The following ATP2A2 variants were observed in gnomAD, a reference collection of about 807,000 sequenced individuals.
ATP2A2 encodes the protein sarcoplasmic/endoplasmic reticulum calcium ATPase 2.
A neutral mutation model predicts 109.3 loss-of-function variants in ATP2A2; 14 were observed. The ratio of observed to expected loss-of-function variants is 0.13; its 90% CI spans 0.08 to 0.20. The LOEUF (loss-of-function observed/expected upper bound fraction) is 0.20, where lower values mean the gene tolerates loss of function less well. Among genes scored for constraint, ATP2A2 ranks in the 10% least tolerant of loss-of-function variants. The pLI is 1.00. For synonymous variants in ATP2A2, 506 were observed against 490.9 expected, an observed-to-expected ratio of 1.03 and a Z score of -0.41; for missense variants, 657 against 1,321.6, an observed-to-expected ratio of 0.50 and a Z score of 7.80.
chr12:110,310,302 G>T (rs1013085259), intron 5 of ATP2A2, among the ~76,000 whole-genome samples: 2 of 150,194 alleles, frequency 1.3e-5, no homozygotes, highest in Non-Finnish European at 3.0e-5. Flanking sequence ...TTTGTGGGAT[G>T]TTTTTTTGAG....
At chr12:110,317,871 A>G (rs754545734) in intron 5 of ATP2A2, among the ~76,000 whole-genome samples, 7 of 152,228 alleles carry the variant, frequency 4.6e-5, no homozygotes, top group Non-Finnish European at 7.3e-5. Context: ...CTTTATTGTA[A>G]TAGCAAATTA....
At chr12:110,328,106 A>G (rs1287573946) in intron 8 of ATP2A2, 89 bp downstream of exon 8, 1 of 1,301,274 alleles carries the variant, frequency 7.7e-7, no homozygotes, top group Non-Finnish European at 1.1e-6. Flanking sequence ...TTTGATTTGT[A>G]ATTTCATACA....
chr12:110,333,089 T>C, intron 9 of ATP2A2, 92 bp from the exon 10 acceptor site: 1 of 1,128,948 alleles, frequency 8.9e-7, no homozygotes, highest in Non-Finnish European at 1.3e-6. Context: ...AAATTCTGTT[T>C]TCATTATTAA....
intron 3 of ATP2A2, among the ~76,000 whole-genome samples, chr12:110,289,398 T>G (rs891475831): frequency 6.6e-6 from 1 of 152,174 alleles, no homozygotes; most frequent in South Asian, 2.1e-4. Context: ...CCTAGAGAAG[T>G]TTTCATTCTG....
Position 110,349,775 on chromosome 12 carries a change from C to T in ATP2A2, c.*3305C>T. 1 of 1,018,272 alleles carries T rather than the reference C, an allele frequency of 9.8e-7. No individual in the cohort carries two copies. Among genetic ancestry groups the T allele is most frequent in the Non-Finnish European group, 1.2e-6 (1 of 848,706 alleles). The allele number at this position is 1,018,272 out of a possible 1,614,324, so 63.1% of individuals were successfully genotyped here. ...CTGTAACCACCAAATTGTCCAAACA[C>T]CCGCTGCAGTTAGCAAGAAGGGTAG... is the stretch of plus-strand genomic sequence containing the variant. On this transcript the variant is annotated 3_prime_UTR_variant, in exon 20 of 20. Coordinates refer to ENST00000539276, the MANE Select transcript of ATP2A2 (RefSeq NM_170665.4).
chr12:110,293,133 A>G (rs985737615), intron 4 of ATP2A2, among the ~76,000 whole-genome samples: 4 of 152,104 alleles, frequency 2.6e-5, no homozygotes, highest in Non-Finnish European at 4.4e-5. Flanking sequence ...GCAGGAGTGC[A>G]GTGGCACGAT....
intron 11 of ATP2A2, among the ~76,000 whole-genome samples, chr12:110,338,249 C>T (rs959176102): frequency 6.6e-5 from 10 of 152,288 alleles, no homozygotes; most frequent in South Asian, 4.1e-4. Context: ...CTTAGAATAC[C>T]TAAAAACACT....
rs1342135248 is a variant in ATP2A2, at chr12:110,343,250, C to G, written c.2337C>G (p.Ala779=). 2 of 1,613,982 alleles carry G rather than the reference C, an allele frequency of 1.2e-6. No individual in the cohort carries two copies. Residue 779 remains alanine (A), a synonymous_variant, in exon 16 of 20, where the codon GCC becomes GCG. Transcript: ENST00000539276. ...GAAACAGTATTTTCCTGACAGCAGC[C>G]CTTGGATTTCCCGAGGCTTTGATTC... ...GEVVCIFLTA[A]LGFPEALIPV...
chr12:110,337,338 A>G (rs1280479889), intron 11 of ATP2A2, among the ~76,000 whole-genome samples: 2 of 152,122 alleles, frequency 1.3e-5, no homozygotes, highest in Admixed American at 6.5e-5. Flanking sequence ...CCTAGTACTG[A>G]AAGGGATTTC....
chr12:110,289,960 T>A (rs116100404), intron 3 of ATP2A2, among the ~76,000 whole-genome samples: 185 of 152,358 alleles, frequency 1.2e-3, no homozygotes, highest in African/African-American at 4.4e-3. Flanking sequence ...TTGTAGTTTT[T>A]AAATCTTAAC....
intron 15 of ATP2A2, 55 bp from the exon 16 acceptor site, chr12:110,343,177 T>C (rs1879517759): frequency 1.3e-6 from 2 of 1,569,586 alleles, no homozygotes; most frequent in Non-Finnish European, 8.8e-7. Context: ...GCTCTTTAAA[T>C]AGTGGCCAGA....
intron 5 of ATP2A2, among the ~76,000 whole-genome samples, chr12:110,316,227 T>G (rs1351803736): frequency 6.6e-6 from 1 of 152,242 alleles, no homozygotes; most frequent in African/African-American, 2.4e-5. Context: ...TTCTAGACAT[T>G]TTTTGTCTTC....
intron 11 of ATP2A2, among the ~76,000 whole-genome samples, chr12:110,337,743 T>C (rs1343529867): frequency 1.3e-5 from 2 of 152,196 alleles, no homozygotes; most frequent in Non-Finnish European, 2.9e-5. Flanking sequence ...AACAATAAGG[T>C]CACCTCAGTA....
chr12:110,317,621 G>A (rs571131923), intron 5 of ATP2A2, among the ~76,000 whole-genome samples: 45 of 152,046 alleles, frequency 3.0e-4, no homozygotes, highest in Non-Finnish European at 5.9e-4. Flanking sequence ...CAAATGCTTC[G>A]TCCGCCTTGG....
At chr12:110,283,416 A>G (rs1364765825) in intron 3 of ATP2A2, among the ~76,000 whole-genome samples, 5 of 152,254 alleles carry the variant, frequency 3.3e-5, no homozygotes, top group Non-Finnish European at 7.3e-5. Flanking sequence ...GAAAAAAACC[A>G]GCATGGTGTT....
intron 5 of ATP2A2, among the ~76,000 whole-genome samples, chr12:110,320,260 G>C (rs918883067): frequency 6.6e-6 from 1 of 152,102 alleles, no homozygotes; most frequent in African/African-American, 2.4e-5. Flanking sequence ...GAGAGTATGA[G>C]CTAGGGTTTA....
chr12:110,289,672 T>G (rs1555276264), intron 3 of ATP2A2, among the ~76,000 whole-genome samples: 1 of 152,204 alleles, frequency 6.6e-6, no homozygotes, highest in Non-Finnish European at 1.5e-5. Context: ...TTTTCATGAT[T>G]TACTAAGTAG....
intron 4 of ATP2A2, among the ~76,000 whole-genome samples, chr12:110,292,424 G>C (rs1241249062): frequency 6.6e-6 from 1 of 151,902 alleles, no homozygotes; most frequent in Admixed American, 6.6e-5. Context: ...GCACCACCAC[G>C]CCCAGCTCAT....
rs1880093040 is a variant in ATP2A2, at chr12:110,348,457, T to C, written c.*1987T>C. ...TTACTGGGATGGCCAGTAGATGTAA[T>C]GCAGATGGTTGGAGTTTGGGGAGGG... On this transcript the variant is annotated 3_prime_UTR_variant, in exon 20 of 20. Coordinates refer to ENST00000539276, the MANE Select transcript of ATP2A2 (RefSeq NM_170665.4). 3.0e-6 allele frequency: 3 copies of C among 985,426 alleles called. No homozygotes were observed. Among genetic ancestry groups the C allele is most frequent in the Non-Finnish European group, 2.4e-6 (2 of 830,016 alleles). 61.0% of individuals were successfully genotyped at this position (985,426 alleles called of 1,614,324 possible). A position where few individuals can be genotyped will look rare whatever the true frequency, so the allele number is the denominator to read the frequency against.
Sources: gnomAD v4.1 joint callset for allele counts (sites outside exome capture counted in the v4.1 genomes callset) on GRCh38, gnomAD v4.1.1 for gene constraint, MANE v1.5 for transcripts, NCBI Gene and HGNC (gene_info 2026-07-23, HGNC 2026-07-21) for gene names.